CEMIP: variants seen among roughly 807,000 people sequenced by gnomAD.
The protein encoded by CEMIP is cell migration-inducing and hyaluronan-binding protein.
Under a neutral mutation model 156.9 loss-of-function variants are expected in CEMIP, and 105 were observed. The observed-to-expected ratio is 0.67, with a 90% CI of 0.57 to 0.79. The LOEUF (loss-of-function observed/expected upper bound fraction) is 0.79, where lower values mean the gene tolerates loss of function less well. Ranked by LOEUF, CEMIP falls within the 30% of genes least tolerant of loss-of-function variation. CEMIP has a pLI of 0.00. For missense variants in CEMIP, 1,457 were observed against 1,769.4 expected (o/e 0.82, Z 3.17); for synonymous variants, 676 against 668.4 (o/e 1.01, Z -0.17).
chr15:80,906,737 C>T lies in CEMIP; in HGVS notation c.1486C>T (p.Arg496Trp), dbSNP rs898447556. The T allele has an allele frequency of 9.3e-6, 15 of 1,613,998 alleles. No homozygotes were observed. In the South Asian group the frequency reaches 1.1e-4, roughly 12 times the overall value. The change falls in exon 13 of 30, where the codon CGG becomes TGG. Residue 496 changes from arginine to tryptophan, a missense_variant. By Grantham distance (101) the Arg-to-Trp change is moderately radical (BLOSUM62 -3). Around this residue, in one of 5 missense-constraint regions of CEMIP, gnomAD observed 280 missense variants for 300.3 expected, o/e 0.93. Coordinates refer to ENST00000394685, the MANE Select transcript of CEMIP (RefSeq NM_001293298.2). The surrounding 1 kb of genome is among the most constrained non-coding windows in gnomAD (Gnocchi z 4.3). ...DMRAEVGLLS[R>W]NIIVMGEMED... ...GCGGGCGGAGGTTGGGCTTCTGAGC[C>T]GGAACATCATAGTGATGGGGGAGAT... is the stretch of plus-strand genomic sequence containing the variant.
chr15:80,834,964 A>T (rs1275650376), intron 1 of CEMIP, among the ~76,000 whole-genome samples: 1 of 152,238 alleles, frequency 6.6e-6, no homozygotes, highest in Non-Finnish European at 1.5e-5. Context: ...CTTTAAAAAA[A>T]AGAGCATGTG....
At chr15:80,799,408 CTCCCA>C (rs1394534010) in intron 1 of CEMIP, among the ~76,000 whole-genome samples, 1 of 152,220 alleles carries the variant, frequency 6.6e-6, no homozygotes, top group East Asian at 1.9e-4. Context: ...CACACTGGGA[CTCCCA>C]CTTGTGGCCC....
chr15:80,917,882 A>G (rs1383964254), intron 14 of CEMIP, among the ~76,000 whole-genome samples: 1 of 152,224 alleles, frequency 6.6e-6, no homozygotes, highest in African/African-American at 2.4e-5. Context: ...CAAGATTAAA[A>G]GGTATAAGAG....
At chr15:80,836,769 T>C (rs1897280059) in intron 1 of CEMIP, among the ~76,000 whole-genome samples, 1 of 152,010 alleles carries the variant, frequency 6.6e-6, no homozygotes, top group Non-Finnish European at 1.5e-5. Flanking sequence ...ACGCCCAGAT[T>C]TTAATTTTTT....
At chr15:80,935,369 C>T (rs1257042581) in intron 23 of CEMIP, among the ~76,000 whole-genome samples, 1 of 152,106 alleles carries the variant, frequency 6.6e-6, no homozygotes, top group African/African-American at 2.4e-5. Context: ...CCTTCCCACA[C>T]TTTCTTTCTG....
intron 16 of CEMIP, among the ~76,000 whole-genome samples, chr15:80,921,738 C>T (rs1477530284): frequency 6.6e-6 from 1 of 152,220 alleles, no homozygotes; most frequent in Non-Finnish European, 1.5e-5. Flanking sequence ...GGAGTTTCAG[C>T]CCTGCAGTGA....
chr15:80,879,470 T>TTTAATCA (rs1898571654), intron 4 of CEMIP, among the ~76,000 whole-genome samples: 1 of 152,234 alleles, frequency 6.6e-6, no homozygotes, highest in Non-Finnish European at 1.5e-5. Context: ...GCAAATACTA[T>TTTAATCA]GCCATTTAAT....
At chr15:80,817,161 T>G in intron 1 of CEMIP, among the ~76,000 whole-genome samples, 1 of 152,120 alleles carries the variant, frequency 6.6e-6, no homozygotes, top group East Asian at 1.9e-4. Context: ...ATACACAGCG[T>G]GGAGCTGGGG....
intron 12 of CEMIP, among the ~76,000 whole-genome samples, chr15:80,905,748 T>A (rs1899773665): frequency 6.6e-6 from 1 of 152,026 alleles, no homozygotes; most frequent in Non-Finnish European, 1.5e-5. Flanking sequence ...GGAGCCCAAA[T>A]GAAGGAAGAA....
intron 1 of CEMIP, among the ~76,000 whole-genome samples, chr15:80,780,998 T>C (rs1355003260): frequency 6.6e-6 from 1 of 152,200 alleles, no homozygotes; most frequent in Non-Finnish European, 1.5e-5. Context: ...CCGGCAGTTC[T>C]GCAGGACCTC....
Position 80,894,874 on chromosome 15 carries a change from G to A in CEMIP, c.1087-116G>A, listed in dbSNP as rs1025696682. On this transcript the variant is annotated intron_variant, in intron 10 of 29. Transcript: ENST00000394685. ...TAATCATCTCGGGCCGTTGTAAATA[G>A]TGTTGCAGCAGGGACAATTTTAGAC... is the stretch of plus-strand genomic sequence containing the variant. 4.2e-5 allele frequency: 53 copies of A among 1,263,322 alleles called. No homozygotes were observed. The African/African-American group carries it at 7.4e-4, about 18-fold the overall frequency. 78.3% of individuals were successfully genotyped at this position (1,263,322 alleles called of 1,614,324 possible). A position where few individuals can be genotyped will look rare whatever the true frequency, so the allele number is the denominator to read the frequency against.
intron 1 of CEMIP, chr15:80,841,973 A>G (rs1897432134): frequency 5.4e-6 from 2 of 368,978 alleles, no homozygotes; most frequent in African/African-American, 4.5e-5. Flanking sequence ...AATGCCTAGC[A>G]CAGTGCCTGG....
intron 1 of CEMIP, among the ~76,000 whole-genome samples, chr15:80,868,203 C>T (rs1898183230): frequency 6.6e-6 from 1 of 152,182 alleles, no homozygotes; most frequent in Non-Finnish European, 1.5e-5. Flanking sequence ...CTGACCACCA[C>T]AAGAAAGCTG....
chr15:80,830,273 A>G (rs1157275641), intron 1 of CEMIP, among the ~76,000 whole-genome samples: 1 of 152,176 alleles, frequency 6.6e-6, no homozygotes, highest in Non-Finnish European at 1.5e-5. Context: ...TAGCAACAAG[A>G]CACAGTTCAA....
intron 1 of CEMIP, among the ~76,000 whole-genome samples, chr15:80,830,106 A>G (rs1227274669): frequency 6.6e-6 from 1 of 151,906 alleles, no homozygotes; most frequent in Non-Finnish European, 1.5e-5. Context: ...GCTCTACACA[A>G]ATGACTCCTT....
chr15:80,909,061 C>G, intron 13 of CEMIP, 36 bp from the exon 14 acceptor site: 1 of 1,601,036 alleles, frequency 6.2e-7, no homozygotes, highest in Non-Finnish European at 8.5e-7. Flanking sequence ...CAAAGCATCT[C>G]ATGGGCTCCT....
intron 1 of CEMIP, among the ~76,000 whole-genome samples, chr15:80,802,399 T>C (rs1435234590): frequency 6.6e-6 from 1 of 152,230 alleles, no homozygotes; most frequent in African/African-American, 2.4e-5. Flanking sequence ...TGCCTTCAGC[T>C]GGGCGTGGGC....
chr15:80,832,997 A>G (rs768238880), intron 1 of CEMIP, among the ~76,000 whole-genome samples: 2 of 152,148 alleles, frequency 1.3e-5, no homozygotes, highest in Non-Finnish European at 2.9e-5. Context: ...TCCAATGGTG[A>G]AAGTCCACAG....
chr15:80,947,937 C>T (rs565716555), intron 29 of CEMIP: 55 of 152,370 alleles, frequency 3.6e-4, no homozygotes, highest in Admixed American at 3.6e-3. Context: ...ACACCATCCT[C>T]ACTATGGAAA....
Sources: gnomAD v4.1 joint callset for allele counts (sites outside exome capture counted in the v4.1 genomes callset) on GRCh38, gnomAD v4.1.1 for gene constraint, gnomAD v4.1.1 regional missense constraint, Gnocchi (gnomAD v3.1) non-coding constraint, MANE v1.5 for transcripts, NCBI Gene and HGNC (gene_info 2026-07-23, HGNC 2026-07-21) for gene names.